Variants in ARHGAP20 observed in about 807,000 individuals in gnomAD.
The protein encoded by ARHGAP20 is Rho GTPase activating protein 20.
A neutral mutation model predicts 73.7 loss-of-function variants in ARHGAP20; 34 were observed. That is an observed-to-expected ratio of 0.46 (90% CI 0.35 to 0.61). ARHGAP20 has a LOEUF of 0.61. ARHGAP20 is among the 20% of genes least tolerant of loss of function. The probability of loss-of-function intolerance (pLI) is 0.00; values close to 1 mark genes in which losing one functional copy is unlikely to be tolerated. For missense variants in ARHGAP20, 1,314 were observed against 1,420.9 expected, an observed-to-expected ratio of 0.92 and a Z score of 1.21; for synonymous variants, 523 against 518.2, an observed-to-expected ratio of 1.01 and a Z score of -0.13.
At chr11:110,582,200 C>G in intron 14 of ARHGAP20, 121 bp downstream of exon 14, 1 of 817,010 alleles carries the variant, frequency 1.2e-6, no homozygotes. Context: ...CCCCATTGAC[C>G]TGGATCAGAG....
At chr11:110,712,100 G>A in intron 1 of ARHGAP20, 27 bp downstream of exon 1, 3 of 1,284,238 alleles carry the variant, frequency 2.3e-6, no homozygotes, top group South Asian at 3.0e-5. Context: ...GCGGCGGAGG[G>A]CACGGGCCCC....
chr11:110,581,120 T>A lies in ARHGAP20; in HGVS notation c.1826A>T (p.Gln609Leu). The change falls in exon 15 of 15, where the codon CAG (glutamine) becomes CTG (leucine). Residue 609 changes from glutamine to leucine, a missense_variant. Around this residue, in one of 3 missense-constraint regions of ARHGAP20, gnomAD observed 230 missense variants for 317.6 expected, o/e 0.72. Coordinates refer to ENST00000683387, the MANE Select transcript of ARHGAP20 (RefSeq NM_001384657.1). ...GACAGAGTCCATGCTTCTGCTCCCCTGGCCAAGTTTCTTTACCAAGTCACT... is the reference window on the plus strand; with the variant it reads ...GACAGAGTCCATGCTTCTGCTCCCCAGGCCAAGTTTCTTTACCAAGTCACT... ...PCSDLVKKLGQGSRSMDSVLT... is the reference protein window; with the variant it reads ...PCSDLVKKLGLGSRSMDSVLT... 1 of 1,614,198 alleles carries A rather than the reference T, an allele frequency of 6.2e-7. No individual in the cohort carries two copies.
chr11:110,689,419 G>A (rs1047939728), intron 2 of ARHGAP20, among the ~76,000 whole-genome samples: 2 of 151,952 alleles, frequency 1.3e-5, no homozygotes, highest in Non-Finnish European at 2.9e-5. Flanking sequence ...AAACTCTTAC[G>A]AGTTAAAATG....
intron 1 of ARHGAP20, among the ~76,000 whole-genome samples, chr11:110,710,535 A>C (rs185928659): frequency 2.3e-4 from 35 of 152,352 alleles, no homozygotes; most frequent in Admixed American, 2.1e-3. Context: ...TAAGTTTTAA[A>C]ATTTATGTCA....
intron 2 of ARHGAP20, among the ~76,000 whole-genome samples, chr11:110,666,826 G>C (rs1417790390): frequency 6.6e-6 from 1 of 152,206 alleles, no homozygotes; most frequent in Admixed American, 6.5e-5. Flanking sequence ...ACACATGAGT[G>C]ATAAGAACGT....
At chr11:110,640,728 T>C (rs1472686699) in intron 2 of ARHGAP20, among the ~76,000 whole-genome samples, 1 of 132,156 alleles carries the variant, frequency 7.6e-6, no homozygotes, top group Non-Finnish European at 1.5e-5. Flanking sequence ...ATGTAATATG[T>C]ACTGTAACTT....
At chr11:110,609,115 A>ATT (rs57075075) in intron 7 of ARHGAP20, 65 bp from the exon 8 acceptor site, 115,880 of 1,293,444 alleles carry the variant, frequency 0.09, 1,889 homozygotes, top group African/African-American at 0.18. Context: ...ATGAGGACAC[A>ATT]TTTTTTTTTT....
chr11:110,692,135 C>T (rs1950254950), intron 1 of ARHGAP20, among the ~76,000 whole-genome samples: 1 of 152,098 alleles, frequency 6.6e-6, no homozygotes, highest in South Asian at 2.1e-4. Context: ...TTCCATTACT[C>T]ACACCTCTTA....
chr11:110,612,128 G>C (rs1357908004), intron 6 of ARHGAP20, among the ~76,000 whole-genome samples: 2 of 152,044 alleles, frequency 1.3e-5, no homozygotes, highest in Admixed American at 1.3e-4. Context: ...ACAATTTGCA[G>C]CAAACAGTAA....
intron 2 of ARHGAP20, among the ~76,000 whole-genome samples, chr11:110,681,855 C>T (rs368768378): frequency 5.9e-5 from 9 of 152,272 alleles, no homozygotes; most frequent in East Asian, 5.8e-4. Context: ...GTACCCTAAA[C>T]CAGCCAATTC....
chr11:110,687,740 T>A (rs1357834809), intron 2 of ARHGAP20, among the ~76,000 whole-genome samples: 1 of 151,978 alleles, frequency 6.6e-6, no homozygotes, highest in Admixed American at 6.6e-5. Context: ...AACGGTAACA[T>A]AAAGAAAAAA....
rs1435861259 is a variant in ARHGAP20 at position 110,700,836 on chromosome 11, G to A, written c.106-10207C>T. ...TTCCCACCTAAGAGTGAGAATATGC[G>A]GTGTTTGGTTTTTTGTTCTTGCAAC... is the stretch of plus-strand genomic sequence containing the variant. On this transcript the variant is annotated intron_variant, in intron 1 of 14. Coordinates refer to ENST00000683387, the MANE Select transcript of ARHGAP20 (RefSeq NM_001384657.1). 9.1e-4 allele frequency among the ~76,000 whole-genome samples: 136 copies of A among 148,814 alleles called. 2 individuals are homozygous for A. The highest frequency in any genetic ancestry group is 8.1e-3 in the Admixed American group (119 of 14,694).
intron 2 of ARHGAP20, 92 bp downstream of exon 2, chr11:110,690,455 A>T: frequency 7.9e-7 from 1 of 1,263,632 alleles, no homozygotes; most frequent in Non-Finnish European, 1.1e-6. Context: ...AACAACCTCT[A>T]CACATTAAAG....
At chr11:110,661,657 A>G (rs957521147) in intron 2 of ARHGAP20, among the ~76,000 whole-genome samples, 1 of 152,136 alleles carries the variant, frequency 6.6e-6, no homozygotes, top group Non-Finnish European at 1.5e-5. Context: ...CATAATTCAC[A>G]TTTATTTAGC....
At chr11:110,612,643 CA>C (rs1948395929) in intron 6 of ARHGAP20, among the ~76,000 whole-genome samples, 2 of 151,864 alleles carry the variant, frequency 1.3e-5, no homozygotes, top group Admixed American at 6.6e-5. Flanking sequence ...TTAAATAGCA[CA>C]AAAAAGTAGC....
At position 110,577,743 on chromosome 11, in the gene ARHGAP20, C is replaced by A; in HGVS notation, c.*1627G>T. 3 of 985,860 alleles carry A rather than the reference C, an allele frequency of 3.0e-6. No individual in the cohort carries two copies. The highest frequency in any genetic ancestry group is 3.6e-6 in the Non-Finnish European group (3 of 829,958). The allele number at this position is 985,860 out of a possible 1,614,324, so 61.1% of individuals were successfully genotyped here. A position where few individuals can be genotyped will look rare whatever the true frequency, so the allele number is the denominator to read the frequency against. On this transcript the variant is annotated 3_prime_UTR_variant, in exon 15 of 15. Transcript: ENST00000683387. ...CTTTGGATACAGAGTTCTAAAAGAT[C>A]ATTGTAATGGTTAGCGCAAACAGGG... is the stretch of plus-strand genomic sequence containing the variant.
chr11:110,647,182 C>T lies in ARHGAP20; in HGVS notation c.189-16390G>A, dbSNP rs527799115. ...TTTTGTGTGTGTGTGTGTGTGCATG[C>T]GCGCACATGCATGCAACTGGGTTAA... On this transcript the variant is annotated intron_variant, in intron 2 of 14. Transcript: ENST00000683387. 7.9e-5 allele frequency among the ~76,000 whole-genome samples: 12 copies of T among 151,710 alleles called. No homozygotes were observed. The South Asian group carries it at 8.3e-4, about 11-fold the overall frequency.
rs11213545 is a variant in ARHGAP20, at chr11:110,702,320, T to G, written c.105+9807A>C. ...TCTCAATAGATGTAGAAAAGGCCTT[T>G]GACAAAATTCAACAACCCTTCATGC... On this transcript the variant is annotated intron_variant, in intron 1 of 14. Coordinates refer to ENST00000683387, the MANE Select transcript of ARHGAP20 (RefSeq NM_001384657.1). Among the ~76,000 whole-genome samples, 257 of 152,210 alleles carry G rather than the reference T, an allele frequency of 1.7e-3. 1 individual carries two copies. The highest frequency in any genetic ancestry group is 5.6e-3 in the African/African-American group (231 of 41,552).
intron 1 of ARHGAP20, among the ~76,000 whole-genome samples, chr11:110,698,019 G>A (rs1010347841): frequency 4.6e-5 from 7 of 151,716 alleles, no homozygotes; most frequent in African/African-American, 1.7e-4. Context: ...TGAATAGTAT[G>A]GGCATTTTAA....
Sources: allele counts gnomAD v4.1 joint callset (sites outside exome capture counted in the v4.1 genomes callset), GRCh38; gene constraint gnomAD v4.1.1; regional missense constraint gnomAD v4.1.1; transcripts MANE v1.5; gene names NCBI Gene and HGNC (gene_info 2026-07-23, HGNC 2026-07-21).